The following STK33 variants were observed in gnomAD, a reference collection of about 807,000 sequenced individuals.
The protein encoded by STK33 is serine/threonine kinase 33, also known as serine/threonine-protein kinase 33.
STK33 carries 52 observed loss-of-function variants against 58.0 expected under a neutral mutation model. The ratio of observed to expected loss-of-function variants is 0.90; its 90% CI spans 0.72 to 1.13. STK33 has a LOEUF of 1.13. STK33 is among the 50% of genes most tolerant of loss of function. The pLI, the probability that STK33 is intolerant of heterozygous loss-of-function variation, is 0.00. For synonymous variants in STK33, 215 were observed against 200.1 expected (o/e 1.07, Z -0.63); for missense variants, 630 against 604.2 (o/e 1.04, Z -0.45).
intron 1 of STK33, among the ~76,000 whole-genome samples, chr11:8,511,531 A>G (rs1952323891): frequency 6.6e-6 from 1 of 152,166 alleles, no homozygotes; most frequent in African/African-American, 2.4e-5. Flanking sequence ...AGAAGTGGTG[A>G]AAGTGGGCAT....
intron 15 of STK33, among the ~76,000 whole-genome samples, chr11:8,397,182 C>A (rs1000153055): frequency 6.6e-6 from 1 of 152,218 alleles, no homozygotes; most frequent in African/African-American, 2.4e-5. Context: ...GGTCCCTGAC[C>A]CCTGAGTAGC....
At chr11:8,502,121 T>C (rs1230171349) in intron 1 of STK33, among the ~76,000 whole-genome samples, 1 of 152,124 alleles carries the variant, frequency 6.6e-6, no homozygotes, top group Non-Finnish European at 1.5e-5. Flanking sequence ...AAAATATATG[T>C]TTTAAAATGG....
chr11:8,472,515 T>G lies in STK33; in HGVS notation c.339+648A>C, dbSNP rs562934782. On this transcript the variant is annotated intron_variant, in intron 6 of 15. Transcript: ENST00000687296. Reference sequence around the variant, plus strand: ...GAGAGATGAAGAGTGGTCAGTCAGCTGAGCAATCAGAACATATACATTTAT... The same window carrying G: ...GAGAGATGAAGAGTGGTCAGTCAGCGGAGCAATCAGAACATATACATTTAT... Among the ~76,000 whole-genome samples, 4 of 152,322 alleles carry G rather than the reference T, an allele frequency of 2.6e-5. No homozygotes were observed. The East Asian group carries it at 7.7e-4, about 29-fold the overall frequency.
chr11:8,473,716 G>C (rs986119541), intron 5 of STK33, among the ~76,000 whole-genome samples: 1 of 152,146 alleles, frequency 6.6e-6, no homozygotes, highest in African/African-American at 2.4e-5. Flanking sequence ...CATCCATATG[G>C]CAGTAACTAT....
chr11:8,483,591 C>T (rs1468876700), intron 1 of STK33, among the ~76,000 whole-genome samples: 3 of 152,160 alleles, frequency 2.0e-5, no homozygotes, highest in African/African-American at 7.2e-5. Context: ...AAATTCAACA[C>T]TAACTCTTCA....
intron 1 of STK33, among the ~76,000 whole-genome samples, chr11:8,485,564 T>C (rs1247065928): frequency 1.3e-5 from 2 of 152,210 alleles, no homozygotes; most frequent in African/African-American, 4.8e-5. Context: ...TTGTGTAGCC[T>C]TGGAAAACTA....
chr11:8,419,990 T>C (rs952656814), intron 14 of STK33, among the ~76,000 whole-genome samples: 2 of 152,150 alleles, frequency 1.3e-5, no homozygotes, highest in Admixed American at 1.3e-4. Context: ...ATTTTTGTTG[T>C]TGTAGAGGAG....
In STK33 at chr11:8,447,699, T is replaced by A. The variant is rs551566830; in HGVS notation, c.871+5123A>T. On this transcript the variant is annotated intron_variant, in intron 11 of 15. Coordinates refer to ENST00000687296, the MANE Select transcript of STK33 (RefSeq NM_001352389.2). ...AATATCATACTTAATGGGCAAAAAC[T>A]GGAAGCATTCCCTTTGAAAAATGGC... Among the ~76,000 whole-genome samples the A allele has an allele frequency of 1.2e-4, 18 of 152,284 alleles. No individual in the cohort carries two copies. In the South Asian group the frequency reaches 3.7e-3, roughly 32 times the overall value.
intron 1 of STK33, among the ~76,000 whole-genome samples, chr11:8,586,038 A>G (rs1024187280): frequency 2.6e-5 from 4 of 151,586 alleles, no homozygotes; most frequent in Admixed American, 6.6e-5. Context: ...GGGCAACAAG[A>G]GCAAAACTCC....
chr11:8,469,043 A>C (rs1948516912), intron 6 of STK33, among the ~76,000 whole-genome samples: 1 of 152,184 alleles, frequency 6.6e-6, no homozygotes, highest in African/African-American at 2.4e-5. Context: ...TAGATGACTG[A>C]TGACTGATTA....
At chr11:8,507,556 A>G (rs904960526) in intron 1 of STK33, among the ~76,000 whole-genome samples, 4 of 152,022 alleles carry the variant, frequency 2.6e-5, no homozygotes, top group Non-Finnish European at 5.9e-5. Flanking sequence ...GTGAAGGAGG[A>G]AGGAGGAAAT....
At chr11:8,374,491 C>T in the STK33 span, among the ~76,000 whole-genome samples, 2 of 152,150 alleles carry the variant, frequency 1.3e-5, no homozygotes, top group Non-Finnish European at 2.9e-5. Context: ...TCCTGCCTTG[C>T]AGATGGCCAC....
At chr11:8,500,272 T>G (rs1451498480) in intron 1 of STK33, among the ~76,000 whole-genome samples, 1 of 151,970 alleles carries the variant, frequency 6.6e-6, no homozygotes, top group Non-Finnish European at 1.5e-5. Context: ...TATCTCTATT[T>G]GCAAAGTGAC....
the STK33 span, among the ~76,000 whole-genome samples, chr11:8,337,738 G>T: frequency 1.3e-5 from 2 of 150,168 alleles, no homozygotes; most frequent in Non-Finnish European, 3.0e-5. Context: ...TCCTCACTTT[G>T]TTCACCCCAC....
At position 8,392,489 on chromosome 11, in the gene STK33, T is replaced by C. The variant is rs1257505290; in HGVS notation, c.*21A>G. 2 of 1,613,388 alleles carry C rather than the reference T, an allele frequency of 1.2e-6. No homozygotes were observed. The highest frequency in any genetic ancestry group is 3.3e-5 in the Admixed American group (2 of 59,876). On this transcript the variant is annotated 3_prime_UTR_variant, in exon 16 of 16. Transcript: ENST00000687296. ...AACAAGAGCAGCTTTGTTTTTGTAC[T>C]GTCCAACACTGGAGGGAACCTTAGA...
intron 1 of STK33, among the ~76,000 whole-genome samples, chr11:8,505,360 C>T (rs143779965): frequency 3.1e-3 from 465 of 152,314 alleles, no homozygotes; most frequent in Non-Finnish European, 4.9e-3. Flanking sequence ...TGTATCGAAA[C>T]TGTTCACTAG....
At chr11:8,553,333 A>C (rs1956501944) in intron 1 of STK33, among the ~76,000 whole-genome samples, 1 of 150,236 alleles carries the variant, frequency 6.7e-6, no homozygotes, top group Non-Finnish European at 1.5e-5. Context: ...TACTTTACAT[A>C]AGTATATGTC....
At chr11:8,581,216 T>C (rs1294073100) in intron 1 of STK33, among the ~76,000 whole-genome samples, 3 of 152,260 alleles carry the variant, frequency 2.0e-5, no homozygotes, top group Non-Finnish European at 4.4e-5. Flanking sequence ...CCCATTTTCT[T>C]AGAAACCGAT....
chr11:8,557,359 TGGAAGGAA>T (rs147551157), intron 1 of STK33, among the ~76,000 whole-genome samples: 22 of 116,198 alleles, frequency 1.9e-4, no homozygotes, highest in African/African-American at 6.1e-4. Flanking sequence ...GAAAGAAGGA[TGGAAGGAA>T]GGAAGGAAGG....
Sources: gnomAD v4.1 joint callset for allele counts (sites outside exome capture counted in the v4.1 genomes callset) on GRCh38, gnomAD v4.1.1 for gene constraint, MANE v1.5 for transcripts, NCBI Gene and HGNC (gene_info 2026-07-23, HGNC 2026-07-21) for gene names.